The following CNBD1 variants were observed in gnomAD, a reference collection of about 807,000 sequenced individuals.
CNBD1 encodes cyclic nucleotide-binding domain-containing protein 1.
In CNBD1, 71 loss-of-function variants were observed where a neutral mutation model predicts 54.4. That is an observed-to-expected ratio of 1.30 (90% CI 1.08 to 1.59). CNBD1 has a LOEUF of 1.59. Among genes scored for constraint, CNBD1 ranks in the 40% most tolerant of loss-of-function variants. The pLI is 0.00. For synonymous variants in CNBD1, 182 were observed against 170.7 expected, an observed-to-expected ratio of 1.07 and a Z score of -0.51; for missense variants, 659 against 518.0, an observed-to-expected ratio of 1.27 and a Z score of -2.64.
At chr8:86,952,456 A>G (rs1807650191) in intron 4 of CNBD1, among the ~76,000 whole-genome samples, 1 of 152,102 alleles carries the variant, frequency 6.6e-6, no homozygotes, top group Non-Finnish European at 1.5e-5. Context: ...TAGACATAGT[A>G]CCATTTATGG....
At position 87,382,857 on chromosome 8, in the gene CNBD1, T is replaced by TTCC. The variant is rs1811109916; in HGVS notation, c.*231_*232insCCT. 1 of 402,854 alleles carries TTCC rather than the reference T, an allele frequency of 2.5e-6. No individual in the cohort carries two copies. The highest frequency in any genetic ancestry group is 2.0e-5 in the African/African-American group (1 of 49,666). 25.0% of individuals were successfully genotyped at this position (402,854 alleles called of 1,614,324 possible). Reference sequence around the variant, plus strand: ...ATAAATATAGTTATCATTGCTTGATTTACCTCTGTTGATACGAAGGTTTTC... The same window carrying TTCC: ...ATAAATATAGTTATCATTGCTTGATTTCCTACCTCTGTTGATACGAAGGTTTTC... On this transcript the variant is annotated 3_prime_UTR_variant, in exon 11 of 11. Coordinates refer to ENST00000518476, the MANE Select transcript of CNBD1 (RefSeq NM_173538.3).
chr8:87,303,796 AAAT>A (rs1809076125), intron 8 of CNBD1, among the ~76,000 whole-genome samples: 2 of 149,506 alleles, frequency 1.3e-5, no homozygotes, highest in Admixed American at 6.7e-5. Context: ...ACAAGAAAAA[AAAT>A]AAACAACCCC....
At chr8:87,156,664 G>A (rs932199269) in intron 4 of CNBD1, among the ~76,000 whole-genome samples, 2 of 152,038 alleles carry the variant, frequency 1.3e-5, no homozygotes, top group African/African-American at 4.8e-5. Context: ...AGAGAGTTTT[G>A]CTATGCAATG....
At chr8:86,991,515 A>C (rs1190789940) in intron 4 of CNBD1, among the ~76,000 whole-genome samples, 1 of 151,872 alleles carries the variant, frequency 6.6e-6, no homozygotes, top group East Asian at 1.9e-4. Flanking sequence ...AATATTGTTC[A>C]GTTCTTTTCC....
At chr8:87,195,563 T>G (rs1447847752) in intron 4 of CNBD1, among the ~76,000 whole-genome samples, 4 of 127,540 alleles carry the variant, frequency 3.1e-5, no homozygotes, top group South Asian at 2.4e-4. Context: ...TTAAATATTG[T>G]TTTTTTTTTT....
intron 5 of CNBD1, among the ~76,000 whole-genome samples, chr8:87,225,211 T>G (rs1367762007): frequency 2.1e-4 from 31 of 148,472 alleles, no homozygotes; most frequent in Non-Finnish European, 3.3e-4. Flanking sequence ...TGACTTCCTC[T>G]TTTCCTAATT....
At chr8:87,298,888 C>A (rs758384171) in intron 8 of CNBD1, among the ~76,000 whole-genome samples, 21 of 152,156 alleles carry the variant, frequency 1.4e-4, no homozygotes, top group Non-Finnish European at 2.9e-4. Flanking sequence ...GTTACTTTCA[C>A]ACACATTGTC....
intron 8 of CNBD1, among the ~76,000 whole-genome samples, chr8:87,336,587 C>T (rs1283790472): frequency 6.6e-6 from 1 of 152,112 alleles, no homozygotes; most frequent in Non-Finnish European, 1.5e-5. Flanking sequence ...TTCCAGTTAG[C>T]AGCTCCTCTA....
chr8:86,904,606 T>C (rs1383308050), intron 2 of CNBD1, among the ~76,000 whole-genome samples: 2 of 152,126 alleles, frequency 1.3e-5, no homozygotes, highest in African/African-American at 2.4e-5. Context: ...GTAATTTCAG[T>C]GATCTGAATT....
Position 87,382,667 on chromosome 8 carries a change from T to A in CNBD1, c.*40T>A. ...TCAGTGAACATTAATTAAGAAAGTA[T>A]TGACTAAATAATGGAATAATTGCAT... is the stretch of plus-strand genomic sequence containing the variant. On this transcript the variant is annotated 3_prime_UTR_variant, in exon 11 of 11. Coordinates refer to ENST00000518476, the MANE Select transcript of CNBD1 (RefSeq NM_173538.3). The A allele has an allele frequency of 6.9e-7, 1 of 1,450,690 alleles. No individual in the cohort carries two copies. The highest frequency in any genetic ancestry group is 1.4e-5 in the African/African-American group (1 of 70,966). The allele number at this position is 1,450,690 out of a possible 1,614,324, so 89.9% of individuals were successfully genotyped here.
At chr8:87,341,104 AT>A (rs1337560405) in intron 8 of CNBD1, among the ~76,000 whole-genome samples, 11 of 152,098 alleles carry the variant, frequency 7.2e-5, no homozygotes, top group African/African-American at 1.9e-4. Context: ...CTTTAGATGT[AT>A]CTTCTTGGAC....
At chr8:87,109,485 C>A (rs1422577339) in intron 4 of CNBD1, among the ~76,000 whole-genome samples, 1 of 151,484 alleles carries the variant, frequency 6.6e-6, no homozygotes, top group Non-Finnish European at 1.5e-5. Flanking sequence ...CTGTTAGTAA[C>A]CTGAACTACT....
intron 2 of CNBD1, among the ~76,000 whole-genome samples, chr8:87,396,402 T>C (rs779723639): frequency 5.9e-5 from 9 of 151,940 alleles, no homozygotes; most frequent in Non-Finnish European, 7.4e-5. Context: ...GAAATCTACA[T>C]GCCTAACTTA....
chr8:87,391,774 TG>T (rs1563584423), intron 2 of CNBD1, among the ~76,000 whole-genome samples: 1 of 151,948 alleles, frequency 6.6e-6, no homozygotes. Flanking sequence ...TTTGTGACCT[TG>T]GGTAAAGCGA....
chr8:87,250,639 C>T (rs1807896783), intron 6 of CNBD1, among the ~76,000 whole-genome samples: 1 of 151,992 alleles, frequency 6.6e-6, no homozygotes, highest in African/African-American at 2.4e-5. Flanking sequence ...TATTATTTAG[C>T]CATAAAAAGA....
intron 6 of CNBD1, among the ~76,000 whole-genome samples, chr8:87,281,578 AT>A (rs1808602329): frequency 1.8e-5 from 1 of 54,230 alleles, no homozygotes; most frequent in African/African-American, 6.5e-5. Context: ...ATATATATAT[AT>A]ATATATATAT....
chr8:87,076,278 A>G (rs770784570), intron 4 of CNBD1, among the ~76,000 whole-genome samples: 9 of 152,206 alleles, frequency 5.9e-5, no homozygotes, highest in Non-Finnish European at 1.2e-4. Context: ...AATGGTAATC[A>G]CAACCTATAT....
At chr8:87,266,185 G>GA (rs540404086) in intron 6 of CNBD1, among the ~76,000 whole-genome samples, 11 of 149,008 alleles carry the variant, frequency 7.4e-5, no homozygotes, top group South Asian at 2.1e-4. Context: ...AATTCCATTG[G>GA]AAAAAAAAAT....
At chr8:87,012,849 C>G (rs1809253104) in intron 4 of CNBD1, among the ~76,000 whole-genome samples, 2 of 152,168 alleles carry the variant, frequency 1.3e-5, no homozygotes, top group Admixed American at 6.5e-5. Flanking sequence ...CAGTGTATTT[C>G]TTAAATGTAT....
Sources: allele counts gnomAD v4.1 joint callset (sites outside exome capture counted in the v4.1 genomes callset), GRCh38; gene constraint gnomAD v4.1.1; transcripts MANE v1.5; gene names NCBI Gene and HGNC (gene_info 2026-07-23, HGNC 2026-07-21).